Variants in PPT1 observed in about 807,000 individuals in gnomAD.
The protein encoded by PPT1 is palmitoyl-protein thioesterase 1, also known as ceroid-palmitoyl-palmitoyl-protein thioesterase 1.
In PPT1, 24 loss-of-function variants were observed where a neutral mutation model predicts 44.0. That is an observed-to-expected ratio of 0.54 (90% CI 0.39 to 0.77). The LOEUF (loss-of-function observed/expected upper bound fraction) is 0.77. Among genes scored for constraint, PPT1 ranks in the 30% least tolerant of loss-of-function variants. The pLI, the probability that PPT1 is intolerant of heterozygous loss-of-function variation, is 0.00. For missense variants in PPT1, 341 were observed against 378.8 expected, an observed-to-expected ratio of 0.90 and a Z score of 0.83; for synonymous variants, 148 against 140.2, an observed-to-expected ratio of 1.06 and a Z score of -0.39.
chr1:40,078,472 G>C, intron 7 of PPT1, 88 bp downstream of exon 7: 1 of 1,330,510 alleles, frequency 7.5e-7, no homozygotes, highest in Non-Finnish European at 1.1e-6. Flanking sequence ...AGAGTGCTGG[G>C]ATTACAGGCA....
chr1:40,093,926 C>A, intron 1 of PPT1: 1 of 705,924 alleles, frequency 1.4e-6, no homozygotes, highest in Non-Finnish European at 2.6e-6. Flanking sequence ...CAAGCATGGG[C>A]TCATACCTAT....
rs1325323677 is a variant in PPT1, at chr1:40,073,459, TGAG to T, written c.*599_*601del. Reference sequence around the variant, plus strand: ...TGACAGCAACTAATTCATCACTACCTGAGGAGACAAAGTGGGTGCTGCAGAAGC... The same window carrying T: ...TGACAGCAACTAATTCATCACTACCTGAGACAAAGTGGGTGCTGCAGAAGC... On this transcript the variant is annotated 3_prime_UTR_variant, in exon 9 of 9. Transcript: ENST00000642050. 1 of 154,098 alleles carries T rather than the reference TGAG, an allele frequency of 6.5e-6. No homozygotes were observed. The highest frequency in any genetic ancestry group is 1.4e-5 in the Non-Finnish European group (1 of 69,322). The allele number at this position is 154,098 out of a possible 1,614,324, so 9.5% of individuals were successfully genotyped here.
chr1:40,086,995 A>G (rs1649297195), intron 5 of PPT1, among the ~76,000 whole-genome samples: 1 of 152,092 alleles, frequency 6.6e-6, no homozygotes, highest in Non-Finnish European at 1.5e-5. Flanking sequence ...AGTATCACAA[A>G]GACAAAATGA....
intron 2 of PPT1, 80 bp from the exon 3 acceptor site, chr1:40,092,252 TA>T: frequency 6.3e-7 from 1 of 1,592,448 alleles, no homozygotes; most frequent in Non-Finnish European, 8.6e-7. Context: ...TAAACTCATT[TA>T]GGTTGGTATC....
At position 40,091,504 on chromosome 1, in the gene PPT1, C is replaced by T. The variant is rs118144339; in HGVS notation, c.363-105G>A. Reference sequence around the variant, plus strand: ...GTCATCCTCTGTGACTCCCCAAACCCGCAGAGTTTCAGGATTTTCCTGATA... The same window carrying T: ...GTCATCCTCTGTGACTCCCCAAACCTGCAGAGTTTCAGGATTTTCCTGATA... On this transcript the variant is annotated intron_variant, in intron 3 of 8. Coordinates refer to ENST00000642050, the MANE Select transcript of PPT1 (RefSeq NM_000310.4). The T allele has an allele frequency of 3.8e-5, 39 of 1,022,858 alleles. No homozygotes were observed. The East Asian group carries it at 5.7e-4, about 15-fold the overall frequency. The allele number at this position is 1,022,858 out of a possible 1,614,324, so 63.4% of individuals were successfully genotyped here. A position where few individuals can be genotyped will look rare whatever the true frequency, so the allele number is the denominator to read the frequency against.
rs1648445156 is a variant in PPT1 at position 40,074,184 on chromosome 1, CT to C, written c.799-2del. The C allele has an allele frequency of 6.2e-7, 1 of 1,613,998 alleles. No homozygotes were observed. Among genetic ancestry groups the C allele is most frequent in the African/African-American group, 1.3e-5 (1 of 74,918 alleles). On this transcript the variant is annotated splice_acceptor_variant, in intron 8 of 8. Transcript: ENST00000642050. LOFTEE classifies it high-confidence loss of function. ...CCATTTCCTTTAGCCCCAGGCGGTC[CT>C]GCAGAAGGAAAGGCCATAATTAATT...
intron 1 of PPT1, among the ~76,000 whole-genome samples, chr1:40,095,557 A>C (rs1272691499): frequency 6.6e-6 from 1 of 152,154 alleles, no homozygotes; most frequent in Non-Finnish European, 1.5e-5. Flanking sequence ...CTTGTCCTAC[A>C]GGCTTCCCCA....
At chr1:40,079,410 T>TC (rs1407599253) in intron 6 of PPT1, among the ~76,000 whole-genome samples, 3 of 145,036 alleles carry the variant, frequency 2.1e-5, no homozygotes, top group Non-Finnish European at 4.5e-5. Flanking sequence ...TTTTTTTTTT[T>TC]TTTTGAGATG....
At chr1:40,077,934 T>G (rs1648714206) in intron 7 of PPT1, among the ~76,000 whole-genome samples, 1 of 152,140 alleles carries the variant, frequency 6.6e-6, no homozygotes, top group Admixed American at 6.6e-5. Context: ...AGGCCAAGCT[T>G]AGGAATTTAT....
At chr1:40,093,775 T>C (rs1406187937) in intron 1 of PPT1, among the ~76,000 whole-genome samples, 1 of 150,318 alleles carries the variant, frequency 6.7e-6, no homozygotes, top group African/African-American at 2.5e-5. Context: ...GTCCCGCTAC[T>C]TGGGGGGCTG....
At chr1:40,090,906 T>C (rs1649531091) in intron 4 of PPT1, among the ~76,000 whole-genome samples, 1 of 152,238 alleles carries the variant, frequency 6.6e-6, no homozygotes, top group Non-Finnish European at 1.5e-5. Flanking sequence ...TGGAATTCCG[T>C]CAAAATAGAA....
Position 40,092,421 on chromosome 1 carries a change from C to G in PPT1, c.211G>C (p.Glu71Gln), listed in dbSNP as rs1451116020. Residue 71 changes from glutamate (E) to glutamine (Q), a missense_variant, in exon 2 of 9, where the codon GAG (glutamate) becomes CAG (glutamine). Physicochemically the swap from Glu to Gln is conservative, Grantham distance 29. Coordinates refer to ENST00000642050, the MANE Select transcript of PPT1 (RefSeq NM_000310.4). ...KIPGIYVLSLEIGKTLMEDVE... is the reference protein window; with the variant it reads ...KIPGIYVLSLQIGKTLMEDVE... Reference sequence around the variant, plus strand: ...ACCTCCATCAGGGTCTTCCCAATCTCTAAAGATAAGACGTAAATTCCAGGT... The same window carrying G: ...ACCTCCATCAGGGTCTTCCCAATCTGTAAAGATAAGACGTAAATTCCAGGT... The G allele has an allele frequency of 6.2e-7, 1 of 1,612,566 alleles. No individual in the cohort carries two copies. The highest frequency in any genetic ancestry group is 1.3e-5 in the African/African-American group (1 of 74,882).
In PPT1 at chr1:40,089,483, C is replaced by T; in HGVS notation, c.463G>A (p.Glu155Lys). 2 of 1,614,064 alleles carry T rather than the reference C, an allele frequency of 1.2e-6. No homozygotes were observed. The highest frequency in any genetic ancestry group is 1.7e-6 in the Non-Finnish European group (2 of 1,179,994). Residue 155 changes from glutamate (E) to lysine (K), a missense_variant, in exon 5 of 9, where the codon GAG becomes AAG. Coordinates refer to ENST00000642050, the MANE Select transcript of PPT1 (RefSeq NM_000310.4). ...GVFGLPRCPG[E>K]SSHICDFIRK... ...ATGAAGTCACAGATGTGAGAGCTCT[C>T]TCCTGGGCATCGAGGGAGTCCAAAA...
chr1:40,089,484 T>TCCC lies in PPT1; in HGVS notation c.461_462insGGG (p.Gly154dup), dbSNP rs762280421. ...TGAAGTCACAGATGTGAGAGCTCTC[T>TCCC]CCTGGGCATCGAGGGAGTCCAAAAA... On this transcript the variant is annotated inframe_insertion, in exon 5 of 9. Transcript: ENST00000642050. The TCCC allele has an allele frequency of 6.2e-7, 1 of 1,614,072 alleles. No homozygotes were observed. The highest frequency in any genetic ancestry group is 2.2e-5 in the East Asian group (1 of 44,878).
chr1:40,080,562 G>C, intron 5 of PPT1, 75 bp from the exon 6 acceptor site: 1 of 1,397,198 alleles, frequency 7.2e-7, no homozygotes, highest in Non-Finnish European at 1.0e-6. Context: ...CAGTGCAAAG[G>C]CCACCAAGAG....
rs1038088175 is a variant in PPT1 at position 40,074,275 on chromosome 1, T to C, written c.799-92A>G. On this transcript the variant is annotated intron_variant, in intron 8 of 8. Transcript: ENST00000642050. ...GTTAACTTGAGATATATTTTCAAAA[T>C]GCAGTTTGTCCTGAGTATTAAAATT... 2.0e-6 allele frequency: 3 copies of C among 1,519,510 alleles called. No individual in the cohort carries two copies. The Admixed American group carries it at 5.2e-5, about 26-fold the overall frequency. The allele number at this position is 1,519,510 out of a possible 1,614,324, so 94.1% of individuals were successfully genotyped here. A position where few individuals can be genotyped will look rare whatever the true frequency, so the allele number is the denominator to read the frequency against.
intron 2 of PPT1, 58 bp downstream of exon 2, chr1:40,092,340 G>A: frequency 2.6e-6 from 4 of 1,520,290 alleles, no homozygotes; most frequent in Non-Finnish European, 3.7e-6. Context: ...CATTTTAACA[G>A]TATATGCTAT....
At chr1:40,083,495 C>T (rs1649090052) in intron 5 of PPT1, among the ~76,000 whole-genome samples, 1 of 152,020 alleles carries the variant, frequency 6.6e-6, no homozygotes, top group African/African-American at 2.4e-5. Context: ...TAAAAACAAA[C>T]TCAAAAAACA....
intron 7 of PPT1, among the ~76,000 whole-genome samples, chr1:40,077,600 T>G (rs567154880): frequency 6.6e-6 from 1 of 152,236 alleles, no homozygotes; most frequent in Non-Finnish European, 1.5e-5. Flanking sequence ...GGTAGCAGGA[T>G]GGACTGGGCC....
Sources: allele counts gnomAD v4.1 joint callset (sites outside exome capture counted in the v4.1 genomes callset), GRCh38; gene constraint gnomAD v4.1.1; transcripts MANE v1.5; gene names NCBI Gene and HGNC (gene_info 2026-07-23, HGNC 2026-07-21).